The following SULT1A3 variants were observed in gnomAD, a reference collection of about 807,000 sequenced individuals.
SULT1A3 encodes sulfotransferase family 1A member 3, also known as sulfotransferase 1A3.
For missense variants in SULT1A3, 11 were observed against 62.7 expected, an observed-to-expected ratio of 0.18 and a Z score of 2.78; for synonymous variants, 4 against 29.3, an observed-to-expected ratio of 0.14 and a Z score of 2.79.
At position 30,201,301 on chromosome 16, in the gene SULT1A3, C is replaced by G. The variant is rs1388647402; in HGVS notation, c.372+8C>G. 3 of 388,922 alleles carry G rather than the reference C, an allele frequency of 7.7e-6. No homozygotes were observed. The highest frequency in any genetic ancestry group is 1.4e-5 in the Non-Finnish European group (3 of 218,850). The allele number at this position is 388,922 out of a possible 1,614,324, so 24.1% of individuals were successfully genotyped here. On this transcript the variant is annotated splice_region_variant and intron_variant, in intron 4 of 7. Transcript: ENST00000338971. ...TTGGATCAGAAGGTCAAGGTGAGGCCGGGCTCAATGGTTCACACCTGTCAT... is the reference window on the plus strand; with the variant it reads ...TTGGATCAGAAGGTCAAGGTGAGGCGGGGCTCAATGGTTCACACCTGTCAT...
chr16:30,201,579 C>A (rs530694556), intron 4 of SULT1A3, among the ~76,000 whole-genome samples: 49 of 152,090 alleles, frequency 3.2e-4, no homozygotes, highest in African/African-American at 1.2e-3. Flanking sequence ...ACCATCTCTA[C>A]GAAAAAAAAA....
chr16:30,201,808 C>G (rs1457653236), intron 4 of SULT1A3, among the ~76,000 whole-genome samples: 2 of 133,088 alleles, frequency 1.5e-5, no homozygotes, highest in South Asian at 5.6e-4. Flanking sequence ...ATTCTCCTGC[C>G]TCAGCCTCCT....
At position 30,201,306 on chromosome 16, in the gene SULT1A3, T is replaced by C. The variant is rs1293297164; in HGVS notation, c.372+13T>C. On this transcript the variant is annotated intron_variant, in intron 4 of 7. Coordinates refer to ENST00000338971, the MANE Select transcript of SULT1A3 (RefSeq NM_177552.4). ...TCAGAAGGTCAAGGTGAGGCCGGGCTCAATGGTTCACACCTGTCATCCCAG... is the reference window on the plus strand; with the variant it reads ...TCAGAAGGTCAAGGTGAGGCCGGGCCCAATGGTTCACACCTGTCATCCCAG... The C allele has an allele frequency of 2.6e-6, 1 of 379,972 alleles. No homozygotes were observed. Among genetic ancestry groups the C allele is most frequent in the South Asian group, 3.0e-5 (1 of 33,616 alleles). 23.5% of individuals were successfully genotyped at this position (379,972 alleles called of 1,614,324 possible).
intron 4 of SULT1A3, among the ~76,000 whole-genome samples, chr16:30,201,835 A>T (rs2073446227): frequency 7.6e-6 from 1 of 131,044 alleles, no homozygotes; most frequent in African/African-American, 2.7e-5. Context: ...CTGGGATTAC[A>T]GGCGTGTGCT....
intron 4 of SULT1A3, among the ~76,000 whole-genome samples, chr16:30,201,573 T>C (rs2073443622): frequency 6.6e-6 from 1 of 151,946 alleles, no homozygotes; most frequent in Admixed American, 6.5e-5. Context: ...AGCAAAACCA[T>C]CTCTACGAAA....
At chr16:30,201,778 C>T (rs2073445595) in intron 4 of SULT1A3, among the ~76,000 whole-genome samples, 2 of 132,472 alleles carry the variant, frequency 1.5e-5, no homozygotes, top group African/African-American at 5.3e-5. Flanking sequence ...ACTGCAACCT[C>T]CGCCTCCCCA....
chr16:30,201,446 G>A (rs1309390801), intron 4 of SULT1A3, among the ~76,000 whole-genome samples, 153 bp downstream of exon 4: 17 of 138,324 alleles, frequency 1.2e-4, no homozygotes, highest in Non-Finnish European at 1.9e-4. Context: ...AACCTGGTAT[G>A]GTGGCATAGA....
chr16:30,201,556 G>C (rs1345670219), intron 4 of SULT1A3, among the ~76,000 whole-genome samples: 1 of 151,960 alleles, frequency 6.6e-6, no homozygotes, highest in Non-Finnish European at 1.5e-5. Flanking sequence ...TCCAGCCTGG[G>C]CAACACAGCA....
Sources: allele counts gnomAD v4.1 joint callset (sites outside exome capture counted in the v4.1 genomes callset), GRCh38; gene constraint gnomAD v4.1.1; transcripts MANE v1.5; gene names NCBI Gene and HGNC (gene_info 2026-07-23, HGNC 2026-07-21).